The following REDIC1 variants were observed in gnomAD, a reference collection of about 807,000 sequenced individuals.
REDIC1 encodes the protein regulator of DNA class I crossover intermediates 1.
chr12:39,776,620 A>C, the REDIC1 span, among the ~76,000 whole-genome samples: 2 of 152,368 alleles, frequency 1.3e-5, no homozygotes, highest in African/African-American at 4.8e-5. Flanking sequence ...AGGGTCACGG[A>C]GTTGACAGTG....
chr12:39,656,257 C>A, the REDIC1 span, among the ~76,000 whole-genome samples: 13 of 152,270 alleles, frequency 8.5e-5, no homozygotes, highest in Admixed American at 8.5e-4. Context: ...GTATAGAAAG[C>A]ATATACAGTT....
chr12:39,826,550 A>G, the REDIC1 span, among the ~76,000 whole-genome samples: 1 of 150,622 alleles, frequency 6.6e-6, no homozygotes, highest in Non-Finnish European at 1.5e-5. Flanking sequence ...TTATACTTGT[A>G]ACATCTATAT....
the REDIC1 span, among the ~76,000 whole-genome samples, chr12:39,875,822 AATG>A: frequency 1.2e-4 from 18 of 152,296 alleles, no homozygotes; most frequent in African/African-American, 4.3e-4. Flanking sequence ...TTTCATAAAT[AATG>A]ATGTCAGCCA....
the REDIC1 span, among the ~76,000 whole-genome samples, chr12:39,745,697 A>G: frequency 6.6e-6 from 1 of 152,260 alleles, no homozygotes; most frequent in African/African-American, 2.4e-5. Flanking sequence ...ATCTAAATGT[A>G]TCATCCAAAT....
At chr12:39,673,027 G>C in the REDIC1 span, among the ~76,000 whole-genome samples, 2 of 152,088 alleles carry the variant, frequency 1.3e-5, no homozygotes, top group Non-Finnish European at 2.9e-5. Flanking sequence ...AGGATTATAG[G>C]AGTCTGTGAT....
the REDIC1 span, among the ~76,000 whole-genome samples, chr12:39,754,667 A>G: frequency 6.6e-6 from 1 of 152,078 alleles, no homozygotes; most frequent in Non-Finnish European, 1.5e-5. Flanking sequence ...ACGATTGTTC[A>G]TTTTCACTTA....
the REDIC1 span, among the ~76,000 whole-genome samples, chr12:39,681,850 T>C: frequency 6.6e-6 from 1 of 152,170 alleles, no homozygotes; most frequent in South Asian, 2.1e-4. Context: ...ATCTGTGGTT[T>C]TTTTTCCTAA....
At chr12:39,669,424 A>G in the REDIC1 span, among the ~76,000 whole-genome samples, 1 of 152,138 alleles carries the variant, frequency 6.6e-6, no homozygotes, top group Admixed American at 6.5e-5. Flanking sequence ...GTTTTTTCTC[A>G]GAGGAGTACC....
the REDIC1 span, chr12:39,640,956 TC>T: frequency 6.2e-7 from 1 of 1,609,920 alleles, no homozygotes; most frequent in Non-Finnish European, 8.5e-7. Flanking sequence ...TTTTTTCAGG[TC>T]CAGGGTTCTG....
the REDIC1 span, among the ~76,000 whole-genome samples, chr12:39,672,148 G>A: frequency 6.6e-6 from 1 of 152,146 alleles, no homozygotes; most frequent in African/African-American, 2.4e-5. Context: ...GTGTGCATCA[G>A]GGGTGGCTGA....
the REDIC1 span, among the ~76,000 whole-genome samples, chr12:39,682,376 G>A: frequency 3.3e-5 from 5 of 151,970 alleles, no homozygotes; most frequent in Non-Finnish European, 7.4e-5. Flanking sequence ...AACATTTCAT[G>A]TTGTAATAAA....
the REDIC1 span, among the ~76,000 whole-genome samples, chr12:39,714,284 C>T: frequency 4.3e-3 from 591 of 136,786 alleles, 72 homozygotes; most frequent in African/African-American, 0.015. Context: ...TATGTATATA[C>T]GTATATGCAT....
the REDIC1 span, among the ~76,000 whole-genome samples, chr12:39,893,664 T>C: frequency 6.6e-6 from 1 of 152,178 alleles, no homozygotes; most frequent in Non-Finnish European, 1.5e-5. Flanking sequence ...AAAGTTAAAT[T>C]CTAACTAGAA....
chr12:39,820,857 G>T, the REDIC1 span, among the ~76,000 whole-genome samples: 1 of 149,778 alleles, frequency 6.7e-6, no homozygotes, highest in African/African-American at 2.4e-5. Context: ...CCCTTTGTTT[G>T]TTCTTCATAA....
At chr12:39,669,921 G>A in the REDIC1 span, among the ~76,000 whole-genome samples, 12 of 152,178 alleles carry the variant, frequency 7.9e-5, no homozygotes, top group Non-Finnish European at 1.5e-4. Context: ...TAGGGTGGGA[G>A]TGACCCGATT....
At chr12:39,683,582 T>C in the REDIC1 span, 2 of 995,190 alleles carry the variant, frequency 2.0e-6, no homozygotes, top group South Asian at 3.0e-5. Context: ...GTATTGCCAT[T>C]TGAGGGTGGG....
chr12:39,748,772 A>G, the REDIC1 span, among the ~76,000 whole-genome samples: 8 of 152,338 alleles, frequency 5.3e-5, no homozygotes, highest in East Asian at 1.5e-3. Flanking sequence ...AACTCACTCA[A>G]AACCACTCAA....
chr12:39,714,167 G>GTATATGTATATACATGCATATATGCA, the REDIC1 span, among the ~76,000 whole-genome samples: 1 of 139,868 alleles, frequency 7.1e-6, no homozygotes, highest in Admixed American at 7.2e-5. Flanking sequence ...GCATATATGC[G>GTATATGTATATACATGCATATATGCA]TATATGTATA....
At chr12:39,763,614 G>A in the REDIC1 span, among the ~76,000 whole-genome samples, 3 of 152,172 alleles carry the variant, frequency 2.0e-5, no homozygotes, top group Middle Eastern at 0.01. Context: ...CCAGAGCACA[G>A]AGTAAAGAGA....
Sources: gnomAD v4.1 joint callset for allele counts (sites outside exome capture counted in the v4.1 genomes callset) on GRCh38, gnomAD v4.1.1 for gene constraint, MANE v1.5 for transcripts, NCBI Gene and HGNC (gene_info 2026-07-23, HGNC 2026-07-21) for gene names.